The following CYP3A5 variants were observed in gnomAD, a reference collection of about 807,000 sequenced individuals.
CYP3A5 encodes cytochrome P450 3A5.
In CYP3A5, 51 loss-of-function variants were observed where a neutral mutation model predicts 55.9. That is an observed-to-expected ratio of 0.91 (90% confidence interval 0.73 to 1.15). The LOEUF (loss-of-function observed/expected upper bound fraction) is 1.15. Among genes scored for constraint, CYP3A5 ranks in the 50% most tolerant of loss-of-function variants. The pLI is 0.00. For synonymous variants in CYP3A5, 196 were observed against 213.9 expected (o/e 0.92, Z 0.73); for missense variants, 533 against 596.6 (o/e 0.89, Z 1.11).
rs1444901748 is a variant in CYP3A5, at chr7:99,650,198, T to C, written c.1288A>G (p.Ile430Val). 1 of 1,614,080 alleles carries C rather than the reference T, an allele frequency of 6.2e-7. No individual in the cohort carries two copies. The highest frequency in any genetic ancestry group is 1.1e-5 in the South Asian group (1 of 91,076). Residue 430 changes from isoleucine (I) to valine (V), a missense_variant, in exon 12 of 13, where the codon ATA (isoleucine) becomes GTA (valine). Coordinates refer to ENST00000222982, the MANE Select transcript of CYP3A5 (RefSeq NM_000777.5). ...GGTCCAGTTCCAAAGGGTGTGTATATGTAAGGATCTATGCTGTCCTTCTTC... is the reference window on the plus strand; with the variant it reads ...GGTCCAGTTCCAAAGGGTGTGTATACGTAAGGATCTATGCTGTCCTTCTTC... ...SKKKDSIDPY[I>V]YTPFGTGPRN...
At chr7:99,660,423 C>A (rs903309410) in intron 10 of CYP3A5, 76 bp downstream of exon 10, 14 of 1,500,252 alleles carry the variant, frequency 9.3e-6, no homozygotes, top group Non-Finnish European at 1.2e-5. Flanking sequence ...TATAAAAATT[C>A]TCCTGGGGAG....
intron 12 of CYP3A5, among the ~76,000 whole-genome samples, chr7:99,649,294 C>G (rs1373087193): frequency 6.6e-6 from 1 of 152,210 alleles, no homozygotes; most frequent in East Asian, 1.9e-4. Flanking sequence ...CTCCTCCTCT[C>G]CCAAGCACAA....
chr7:99,667,653 TC>T (rs1332816019), intron 4 of CYP3A5, among the ~76,000 whole-genome samples: 2 of 152,230 alleles, frequency 1.3e-5, no homozygotes, highest in African/African-American at 4.8e-5. Flanking sequence ...TAATTACTTT[TC>T]CCAACTTGGG....
At chr7:99,648,491 C>A in intron 12 of CYP3A5, 91 bp from the exon 13 acceptor site, 331 of 671,000 alleles carry the variant, frequency 4.9e-4, no homozygotes, top group Middle Eastern at 1.8e-3. Context: ...GACAAAAATG[C>A]TTTGCAAGCA....
intron 8 of CYP3A5, 200 bp from the exon 9 acceptor site, chr7:99,663,082 A>G (rs1810607561): frequency 1.5e-6 from 2 of 1,318,158 alleles, no homozygotes; most frequent in Non-Finnish European, 1.9e-6. Flanking sequence ...TCCTGAAACA[A>G]ATCTAGCTAT....
rs892930036 is a variant in CYP3A5, at chr7:99,650,058, A to G, written c.1413+15T>C. ...TAAAAAAATTCTTAATAAAACATAC[A>G]GAAAGTGTACTGACCTGTGTTTCTT... On this transcript the variant is annotated intron_variant, in intron 12 of 12. Transcript: ENST00000222982. 6.2e-7 allele frequency: 1 copy of G among 1,613,750 alleles called. No homozygotes were observed. The highest frequency in any genetic ancestry group is 8.5e-7 in the Non-Finnish European group (1 of 1,179,778).
chr7:99,656,628 A>G (rs963319138), intron 10 of CYP3A5, among the ~76,000 whole-genome samples: 16 of 152,056 alleles, frequency 1.1e-4, no homozygotes, highest in African/African-American at 2.7e-4. Flanking sequence ...CTCTTTTTCT[A>G]TTGATTGGAA....
chr7:99,676,019 C>T (rs911545654), intron 2 of CYP3A5, 96 bp downstream of exon 2: 5 of 1,051,336 alleles, frequency 4.8e-6, no homozygotes, highest in African/African-American at 1.6e-5. Context: ...AATGTGAAAC[C>T]TCAGAACTCC....
At position 99,667,289 on chromosome 7, in the gene CYP3A5, G is replaced by C. The variant is rs28365089; in HGVS notation, c.319-224C>G. 7.0e-4 allele frequency among the ~76,000 whole-genome samples: 106 copies of C among 152,310 alleles called. 1 individual carries two copies. Among genetic ancestry groups the C allele is most frequent in the African/African-American group, 2.3e-3 (97 of 41,572 alleles). On this transcript the variant is annotated intron_variant, in intron 4 of 12. Transcript: ENST00000222982. ...TGGGGAGACCCAGCCATCTGGTGTG[G>C]TCTCCTGCCTCTATATCTCAGTCTC...
intron 9 of CYP3A5, 115 bp from the exon 10 acceptor site, chr7:99,660,774 C>T (rs1405297527): frequency 4.8e-6 from 6 of 1,251,246 alleles, no homozygotes; most frequent in Non-Finnish European, 6.7e-6. Context: ...AAAAGCAATT[C>T]AAAGTCACAC....
rs1812659560 is a variant in CYP3A5 at position 99,679,792 on chromosome 7, G to T, written c.71+34C>A. The T allele has an allele frequency of 1.9e-6, 3 of 1,609,260 alleles. No individual in the cohort carries two copies. In the East Asian group the frequency reaches 6.7e-5, roughly 36 times the overall value. The stretch of plus-strand genomic sequence containing the variant: ...GGCCCGATTAGCACCCCAAGTCCAA[G>T]GAAACAAAGAGAGGAGTTTGGACAG... On this transcript the variant is annotated intron_variant, in intron 1 of 12. Transcript: ENST00000222982.
chr7:99,674,459 C>T, intron 3 of CYP3A5, 74 bp downstream of exon 3: 7 of 1,191,560 alleles, frequency 5.9e-6, no homozygotes, highest in Non-Finnish European at 8.6e-6. Flanking sequence ...AAGACCTGGG[C>T]AGAGACTATC....
chr7:99,666,446 G>A (rs1351178292), intron 6 of CYP3A5, among the ~76,000 whole-genome samples, 155 bp downstream of exon 6: 2 of 152,142 alleles, frequency 1.3e-5, no homozygotes, highest in African/African-American at 4.8e-5. Context: ...CGCCTCATGG[G>A]AGCCACTCCC....
In CYP3A5 at chr7:99,650,091, T is replaced by C; in HGVS notation, c.1395A>G (p.Lys465=). 6.2e-7 allele frequency: 1 copy of C among 1,614,068 alleles called. No individual in the cohort carries two copies. Among genetic ancestry groups the C allele is most frequent in the Non-Finnish European group, 8.5e-7 (1 of 1,179,972 alleles). The stretch of plus-strand genomic sequence containing the variant: ...TACTGACCTGTGTTTCTTTACAAGG[T>C]TTGAAGGAGAAGTTCTGAAGGACTC... ...LIRVLQNFSF[K]PCKETQIPLK... The change falls in exon 12 of 13, where the codon AAA becomes AAG. Residue 465 remains lysine (K), a synonymous_variant. Coordinates refer to ENST00000222982, the MANE Select transcript of CYP3A5 (RefSeq NM_000777.5).
chr7:99,672,893 G>A (rs1811813023), intron 3 of CYP3A5: 2 of 1,373,756 alleles, frequency 1.5e-6, no homozygotes, highest in South Asian at 1.7e-5. Context: ...GAAGGGTAAT[G>A]TGGTCCAAAC....
At chr7:99,671,120 TG>T (rs1811573018) in intron 4 of CYP3A5, 1 of 9,218 alleles carries the variant, frequency 1.1e-4, no homozygotes, top group Non-Finnish European at 1.6e-4. Flanking sequence ...AGACCATTTG[TG>T]TGTGTGTGTG....
At chr7:99,674,433 A>T in intron 3 of CYP3A5, 100 bp downstream of exon 3, 1 of 843,946 alleles carries the variant, frequency 1.2e-6, no homozygotes, top group Non-Finnish European at 1.9e-6. Flanking sequence ...TAGGTTGACA[A>T]GAGCTTCATC....
In CYP3A5 at chr7:99,652,709, A is replaced by T. The variant is rs757522026; in HGVS notation, c.1097T>A (p.Leu366Ter). The change falls in exon 11 of 13, where the codon TTA becomes TAA. Residue 366 changes from leucine (L) to a stop codon, truncating the protein, a stop_gained. Transcript: ENST00000222982. LOFTEE classifies it high-confidence loss of function. ...LDMVVNETLR[L>*]FPVAIRLERT... ...CTCAAGTCTAATAGCAACTGGGAAT[A>T]ATCTGAGTGTTTCATTCACCACCAT... The T allele has an allele frequency of 3.7e-6, 6 of 1,614,148 alleles. No homozygotes were observed. In the South Asian group the frequency reaches 5.5e-5, roughly 15 times the overall value.
At chr7:99,655,115 G>T (rs1809576019) in intron 10 of CYP3A5, among the ~76,000 whole-genome samples, 1 of 152,140 alleles carries the variant, frequency 6.6e-6, no homozygotes, top group African/African-American at 2.4e-5. Flanking sequence ...GGCTTTTGTT[G>T]CCATTGCTTT....
Sources: allele counts gnomAD v4.1 joint callset (sites outside exome capture counted in the v4.1 genomes callset), GRCh38; gene constraint gnomAD v4.1.1; transcripts MANE v1.5; gene names NCBI Gene and HGNC (gene_info 2026-07-23, HGNC 2026-07-21).